TNK2: variants seen among roughly 807,000 people sequenced by gnomAD.
TNK2 encodes activated CDC42 kinase 1.
A neutral mutation model predicts 101.8 loss-of-function variants in TNK2; 83 were observed. The observed-to-expected ratio is 0.82, with a 90% CI of 0.68 to 0.98. The LOEUF is 0.98. Ranked by LOEUF, TNK2 falls within the 50% of genes least tolerant of loss-of-function variation. The pLI, the probability that TNK2 is intolerant of heterozygous loss-of-function variation, is 0.00. For synonymous variants in TNK2, 804 were observed against 633.0 expected (o/e 1.27, Z -4.06); for missense variants, 1,665 against 1,483.2 (o/e 1.12, Z -2.01).
At chr3:195,866,625 G>A (rs1371679408) in intron 15 of TNK2, among the ~76,000 whole-genome samples, 1 of 152,262 alleles carries the variant, frequency 6.6e-6, no homozygotes, top group Non-Finnish European at 1.5e-5. Context: ...CACTGCAGGT[G>A]CTAGGGAAGC....
At chr3:195,866,850 C>G (rs749084194) in intron 15 of TNK2, 39 bp downstream of exon 15, 8 of 1,597,356 alleles carry the variant, frequency 5.0e-6, no homozygotes, top group Non-Finnish European at 6.8e-6. Flanking sequence ...GACAGCCCTC[C>G]TGGGGCACGG....
At position 195,872,241 on chromosome 3, in the gene TNK2, G is replaced by T. The variant is rs770671026; in HGVS notation, c.1451+35C>A. The T allele has an allele frequency of 3.1e-6, 5 of 1,610,882 alleles. No individual in the cohort carries two copies. In the Admixed American group the frequency reaches 8.4e-5, roughly 27 times the overall value. On this transcript the variant is annotated intron_variant, in intron 10 of 15. Coordinates refer to ENST00000672887, the MANE Select transcript of TNK2 (RefSeq NM_001382273.1). ...CTGAGGGCCCTGGAGTCCCGAGCGG[G>T]GCCAGGTCAGCATCCATCCCCGCCC...
At chr3:195,883,039 TG>T in intron 5 of TNK2, 117 bp downstream of exon 5, 1 of 1,282,180 alleles carries the variant, frequency 7.8e-7, no homozygotes, top group Non-Finnish European at 1.1e-6. Context: ...TCCATCAGGT[TG>T]GGGGACCAAA....
Position 195,885,189 on chromosome 3 carries a change from C to A in TNK2, c.235-156G>T. On this transcript the variant is annotated intron_variant, in intron 3 of 15. Transcript: ENST00000672887. This position sits in a 1 kb window ranked among gnomAD's most constrained non-coding sequence, Gnocchi z 4.7. ...CAGTGGGGCAGCCTGGCTGGAGGCC[C>A]ACACTCCGTCCAGGGCACACCCCCA... 1.0e-6 allele frequency: 1 copy of A among 1,004,744 alleles called. No individual in the cohort carries two copies. The highest frequency in any genetic ancestry group is 1.7e-5 in the South Asian group (1 of 58,110). The allele number at this position is 1,004,744 out of a possible 1,614,324, so 62.2% of individuals were successfully genotyped here. A position where few individuals can be genotyped will look rare whatever the true frequency, so the allele number is the denominator to read the frequency against.
intron 2 of TNK2, among the ~76,000 whole-genome samples, chr3:195,887,914 A>G (rs536581445): frequency 7.5e-4 from 99 of 131,786 alleles, no homozygotes; most frequent in Non-Finnish European, 1.1e-3. Context: ...GTGCACGTGC[A>G]TGCGTGCGTG....
At position 195,885,707 on chromosome 3, in the gene TNK2, C is replaced by T; in HGVS notation, c.235-674G>A. On this transcript the variant is annotated intron_variant, in intron 3 of 15. Transcript: ENST00000672887. This position sits in a 1 kb window ranked among gnomAD's most constrained non-coding sequence, Gnocchi z 4.7. ...GACGGAAGGAAAAGTGGAGGAGACT[C>T]GGAGGCCAGGGTGGACAGGGAGGAG... The T allele has an allele frequency of 1.2e-5, 8 of 691,014 alleles. No individual in the cohort carries two copies. The highest frequency in any genetic ancestry group is 2.7e-5 in the Admixed American group (1 of 37,160). 42.8% of individuals were successfully genotyped at this position (691,014 alleles called of 1,614,324 possible).
chr3:195,883,438 T>C lies in TNK2; in HGVS notation c.457-129A>G, dbSNP rs1031329112. 2.8e-5 allele frequency: 31 copies of C among 1,105,406 alleles called. No individual in the cohort carries two copies. In the African/African-American group the frequency reaches 3.7e-4, roughly 13 times the overall value. 68.5% of individuals were successfully genotyped at this position (1,105,406 alleles called of 1,614,324 possible). ...AGCTCCTCATCTGGGTGGGTAAGCA[T>C]GTCACCAGTGCCTGGGCTTACGTGC... is the stretch of plus-strand genomic sequence containing the variant. On this transcript the variant is annotated intron_variant, in intron 4 of 15. Transcript: ENST00000672887.
chr3:195,885,808 G>A lies in TNK2; in HGVS notation c.235-775C>T, dbSNP rs1034672334. The A allele has an allele frequency of 5.9e-6, 2 of 341,034 alleles. No homozygotes were observed. Among genetic ancestry groups the A allele is most frequent in the African/African-American group, 4.3e-5 (2 of 46,294 alleles). 21.1% of individuals were successfully genotyped at this position (341,034 alleles called of 1,614,324 possible). On this transcript the variant is annotated intron_variant, in intron 3 of 15. Coordinates refer to ENST00000672887, the MANE Select transcript of TNK2 (RefSeq NM_001382273.1). This position sits in a 1 kb window ranked among gnomAD's most constrained non-coding sequence, Gnocchi z 4.7. ...ACGTCGGTCTGACTCGGCCTCCACT[G>A]AGGCACCCACAGCCTTGGCTCCAGA...
rs1750643913 is a variant in TNK2 at position 195,878,446 on chromosome 3, C to T, written c.1161G>A (p.Glu387=). ...TFVALRDFLL[E]AQPTDMRALQ... is the part of the protein sequence containing the mutation. ...TCTCCTGGGCTGACCTGTCCCTCAC[C>T]TCCAGCAGGAAGTCCCGCAGGGCCA... Residue 387 remains glutamate (E), a splice_region_variant and synonymous_variant, in exon 8 of 16, where the codon GAG becomes GAA. Transcript: ENST00000672887. The surrounding 1 kb of genome is among the most constrained non-coding windows in gnomAD (Gnocchi z 4.7). 6.2e-7 allele frequency: 1 copy of T among 1,614,036 alleles called. No individual in the cohort carries two copies. Among genetic ancestry groups the T allele is most frequent in the Non-Finnish European group, 8.5e-7 (1 of 1,180,034 alleles).
At chr3:195,899,748 G>A (rs1200427044) in intron 1 of TNK2, among the ~76,000 whole-genome samples, 1 of 152,240 alleles carries the variant, frequency 6.6e-6, no homozygotes, top group Admixed American at 6.5e-5. Flanking sequence ...TACCTCTGCT[G>A]TGGTCTGTAC....
At chr3:195,872,964 C>T (rs977109211) in intron 9 of TNK2, among the ~76,000 whole-genome samples, 3 of 152,270 alleles carry the variant, frequency 2.0e-5, no homozygotes, top group Non-Finnish European at 4.4e-5. Context: ...CCGGGGGACA[C>T]CTAGGGCCTT....
At chr3:195,895,372 G>C in intron 1 of TNK2, 1 of 1,554,504 alleles carries the variant, frequency 6.4e-7, no homozygotes, top group Non-Finnish European at 8.7e-7. Flanking sequence ...CAGCGGCACC[G>C]GCAGCGTCAC....
intron 2 of TNK2, among the ~76,000 whole-genome samples, chr3:195,887,937 CAT>C (rs1756751074): frequency 2.4e-5 from 3 of 125,964 alleles, no homozygotes; most frequent in Admixed American, 7.8e-5. Flanking sequence ...CGTGTGTGCG[CAT>C]GTGCGTGTGT....
intron 10 of TNK2, 107 bp downstream of exon 10, chr3:195,872,169 A>C: frequency 7.7e-7 from 1 of 1,299,078 alleles, no homozygotes; most frequent in South Asian, 1.5e-5. Flanking sequence ...CGGGGGCTGA[A>C]GCCCGGGCGA....
At position 195,878,905 on chromosome 3, in the gene TNK2, TGGGAGGCACGGGAAGTGGG is replaced by T. The variant is rs1248344905; in HGVS notation, c.1014+125_1014+143del. On this transcript the variant is annotated intron_variant, in intron 7 of 15. Coordinates refer to ENST00000672887, the MANE Select transcript of TNK2 (RefSeq NM_001382273.1). The surrounding 1 kb of genome is among the most constrained non-coding windows in gnomAD (Gnocchi z 4.7). ...GCGTGAGAGGAGACACGGGGCGTGG[TGGGAGGCACGGGAAGTGGG>T]GGGAGGCACGGGGCGTGGGAGGAGG... is the stretch of plus-strand genomic sequence containing the variant. 7,171 of 1,321,642 alleles carry T rather than the reference TGGGAGGCACGGGAAGTGGG, an allele frequency of 5.4e-3. 38 individuals are homozygous for T. Among genetic ancestry groups the T allele is most frequent in the South Asian group, 0.011 (789 of 74,916 alleles). The allele number at this position is 1,321,642 out of a possible 1,614,324, so 81.9% of individuals were successfully genotyped here.
At chr3:195,896,008 C>A in intron 1 of TNK2, 1 of 383,640 alleles carries the variant, frequency 2.6e-6, no homozygotes, top group South Asian at 1.8e-5. Context: ...CCCCGCGCGC[C>A]ACTCCCGCAA....
At chr3:195,899,324 G>T (rs564680189) in intron 1 of TNK2, among the ~76,000 whole-genome samples, 2 of 152,000 alleles carry the variant, frequency 1.3e-5, no homozygotes, top group Admixed American at 1.3e-4. Flanking sequence ...GTGAAAAATA[G>T]CCAAAATAAT....
Position 195,886,859 on chromosome 3 carries a change from C to A in TNK2, c.234+118G>T. On this transcript the variant is annotated intron_variant, in intron 3 of 15. Transcript: ENST00000672887. This position sits in a 1 kb window ranked among gnomAD's most constrained non-coding sequence, Gnocchi z 4.2. Reference sequence around the variant, plus strand: ...GGACGAGGGGGTCCTGTACAAAGTGCCGGCAGAACGGCGAGATTCGACCTG... The same window carrying A: ...GGACGAGGGGGTCCTGTACAAAGTGACGGCAGAACGGCGAGATTCGACCTG... The A allele has an allele frequency of 8.9e-7, 1 of 1,127,392 alleles. No individual in the cohort carries two copies. The highest frequency in any genetic ancestry group is 1.3e-6 in the Non-Finnish European group (1 of 741,202). 69.8% of individuals were successfully genotyped at this position (1,127,392 alleles called of 1,614,324 possible).
At chr3:195,889,075 C>A (rs1354229294) in intron 1 of TNK2, among the ~76,000 whole-genome samples, 1 of 152,048 alleles carries the variant, frequency 6.6e-6, no homozygotes, top group Non-Finnish European at 1.5e-5. Context: ...GGAGAAAACT[C>A]TCAGGGTCAG....
Sources: allele counts gnomAD v4.1 joint callset (sites outside exome capture counted in the v4.1 genomes callset), GRCh38; gene constraint gnomAD v4.1.1; non-coding constraint Gnocchi (gnomAD v3.1); transcripts MANE v1.5; gene names NCBI Gene and HGNC (gene_info 2026-07-23, HGNC 2026-07-21).